NCKAP5: variants seen among roughly 807,000 people sequenced by gnomAD.
NCKAP5 encodes the protein nck-associated protein 5.
Under a neutral mutation model 167.0 loss-of-function variants are expected in NCKAP5, and 92 were observed. The ratio of observed to expected loss-of-function variants is 0.55; its 90% CI spans 0.47 to 0.66. The LOEUF is 0.66. NCKAP5 is among the 30% of genes least tolerant of loss of function. NCKAP5 has a pLI of 0.00. For missense variants in NCKAP5, 2,378 were observed against 2,315.0 expected (o/e 1.03, Z -0.56); for synonymous variants, 891 against 877.4 (o/e 1.02, Z -0.27).
At chr2:133,052,202 A>G (rs1448399196) in intron 6 of NCKAP5, among the ~76,000 whole-genome samples, 2 of 152,162 alleles carry the variant, frequency 1.3e-5, no homozygotes. Context: ...CCATTAATCC[A>G]AATCCACCTC....
chr2:133,658,687 C>T, the NCKAP5 span, among the ~76,000 whole-genome samples: 1 of 152,298 alleles, frequency 6.6e-6, no homozygotes, highest in African/African-American at 2.4e-5. Flanking sequence ...GCAGGATTCT[C>T]AACCACTGTG....
At chr2:133,426,583 C>T (rs1689821886) in intron 3 of NCKAP5, among the ~76,000 whole-genome samples, 1 of 152,078 alleles carries the variant, frequency 6.6e-6, no homozygotes, top group Admixed American at 6.6e-5. Context: ...TAATAATCCT[C>T]AACAAAGTAT....
intron 3 of NCKAP5, among the ~76,000 whole-genome samples, chr2:133,415,351 TGTGAC>T (rs1689043476): frequency 6.6e-6 from 1 of 152,250 alleles, no homozygotes; most frequent in Admixed American, 6.5e-5. Flanking sequence ...AAGTAATGGC[TGTGAC>T]ATCCAAGCCA....
intron 4 of NCKAP5, among the ~76,000 whole-genome samples, chr2:133,270,004 A>C (rs921590610): frequency 1.3e-5 from 2 of 152,162 alleles, no homozygotes; most frequent in African/African-American, 4.8e-5. Context: ...TGAAATGAGA[A>C]AGACTATGGG....
chr2:133,039,661 C>T lies in NCKAP5; in HGVS notation c.342-45422G>A, dbSNP rs888055046. 9.2e-5 allele frequency among the ~76,000 whole-genome samples: 14 copies of T among 152,268 alleles called. No individual in the cohort carries two copies. In the East Asian group the frequency reaches 2.5e-3, roughly 27 times the overall value. On this transcript the variant is annotated intron_variant, in intron 6 of 19. Transcript: ENST00000409261. ...ACACTAAACTTTTGAGATTATAATGCTATGACATAAACCAACAGCCCCTCC... is the reference window on the plus strand; with the variant it reads ...ACACTAAACTTTTGAGATTATAATGTTATGACATAAACCAACAGCCCCTCC...
chr2:133,153,894 G>A (rs569571456), intron 5 of NCKAP5, among the ~76,000 whole-genome samples: 17 of 136,246 alleles, frequency 1.2e-4, no homozygotes, highest in Admixed American at 4.1e-4. Flanking sequence ...GGAGCGTAAC[G>A]GCGCAATCTC....
chr2:133,249,996 G>GA (rs2088219139), intron 4 of NCKAP5, among the ~76,000 whole-genome samples: 1 of 24,138 alleles, frequency 4.1e-5, no homozygotes, highest in African/African-American at 1.4e-4. Context: ...ACCACCAAGG[G>GA]TTTTATTATT....
At chr2:133,171,111 G>A (rs1454470262) in intron 5 of NCKAP5, among the ~76,000 whole-genome samples, 1 of 152,150 alleles carries the variant, frequency 6.6e-6, no homozygotes, top group African/African-American at 2.4e-5. Flanking sequence ...AAGCAGGTCA[G>A]TAGAGAGATA....
At chr2:133,654,369 C>A in the NCKAP5 span, among the ~76,000 whole-genome samples, 23 of 128,504 alleles carry the variant, frequency 1.8e-4, no homozygotes, top group South Asian at 1.1e-3. Flanking sequence ...CAAAGCGAGA[C>A]TCTATCTCAA....
chr2:133,332,732 ATAAG>A lies in NCKAP5; in HGVS notation c.70-29626_70-29623del, dbSNP rs145338125. On this transcript the variant is annotated intron_variant, in intron 3 of 19. Transcript: ENST00000409261. The stretch of plus-strand genomic sequence containing the variant: ...TAGTATTCCAGAAAAAAAAATAATA[ATAAG>A]TGTTTCTTTTACCCTGCTATTTGCT... Among the ~76,000 whole-genome samples the A allele has an allele frequency of 9.8e-3, 1,491 of 152,320 alleles. 26 individuals are homozygous for A. The highest frequency in any genetic ancestry group is 0.034 in the African/African-American group (1,417 of 41,574).
At chr2:133,521,057 G>A (rs1292703863) in intron 2 of NCKAP5, among the ~76,000 whole-genome samples, 1 of 152,116 alleles carries the variant, frequency 6.6e-6, no homozygotes, top group Non-Finnish European at 1.5e-5. Context: ...AAACAAAATG[G>A]CAACCAGGAT....
chr2:133,381,689 T>A (rs1432341063), intron 3 of NCKAP5, among the ~76,000 whole-genome samples: 2 of 152,218 alleles, frequency 1.3e-5, no homozygotes, highest in African/African-American at 4.8e-5. Context: ...AGAACCCAAG[T>A]GGGAATCAAT....
At chr2:132,749,658 CTGGTCTT>C (rs1243486859) in intron 16 of NCKAP5, among the ~76,000 whole-genome samples, 1 of 152,092 alleles carries the variant, frequency 6.6e-6, no homozygotes, top group Non-Finnish European at 1.5e-5. Context: ...AGAAGAGGTT[CTGGTCTT>C]TGGTCTTTGA....
intron 6 of NCKAP5, among the ~76,000 whole-genome samples, chr2:133,046,816 G>T (rs1168596965): frequency 6.6e-6 from 1 of 152,152 alleles, no homozygotes; most frequent in African/African-American, 2.4e-5. Context: ...TGTCTAGAAA[G>T]GAAAAGATTA....
intron 3 of NCKAP5, among the ~76,000 whole-genome samples, chr2:133,478,533 C>T (rs2151306142): frequency 6.6e-6 from 1 of 152,248 alleles, no homozygotes; most frequent in South Asian, 2.1e-4. Flanking sequence ...CCTCGATAGG[C>T]AGGGCTGTGG....
At chr2:133,594,258 T>G in the NCKAP5 span, among the ~76,000 whole-genome samples, 3 of 152,220 alleles carry the variant, frequency 2.0e-5, no homozygotes, top group African/African-American at 7.2e-5. Flanking sequence ...TGGCTGACTC[T>G]CGACTTCGTT....
At chr2:133,541,721 G>A (rs141979732) in intron 2 of NCKAP5, among the ~76,000 whole-genome samples, 16 of 151,910 alleles carry the variant, frequency 1.1e-4, no homozygotes, top group Middle Eastern at 3.4e-3. Context: ...AAAAAAATTA[G>A]TGTTAACATT....
chr2:133,482,276 G>A (rs1359716243), intron 3 of NCKAP5, among the ~76,000 whole-genome samples: 4 of 151,234 alleles, frequency 2.6e-5, no homozygotes, highest in Non-Finnish European at 4.4e-5. Context: ...GGAGTGCAAT[G>A]GTGTGATCTC....
chr2:132,965,136 C>T (rs2076623161), intron 7 of NCKAP5, among the ~76,000 whole-genome samples: 1 of 152,120 alleles, frequency 6.6e-6, no homozygotes, highest in Admixed American at 6.5e-5. Flanking sequence ...GATCTAATTT[C>T]TCCTGTCATC....
Sources: allele counts gnomAD v4.1 joint callset (sites outside exome capture counted in the v4.1 genomes callset), GRCh38; gene constraint gnomAD v4.1.1; transcripts MANE v1.5; gene names NCBI Gene and HGNC (gene_info 2026-07-23, HGNC 2026-07-21).